SPTBN5: variants seen among roughly 807,000 people sequenced by gnomAD.
The protein encoded by SPTBN5 is spectrin beta, non-erythrocytic 5, also known as spectrin beta chain, non-erythrocytic 5.
Under a neutral mutation model 477.6 loss-of-function variants are expected in SPTBN5, and 513 were observed. That is an observed-to-expected ratio of 1.07 (90% CI 1.00 to 1.16). The LOEUF (loss-of-function observed/expected upper bound fraction) is 1.16. SPTBN5 is among the 50% of genes most tolerant of loss of function. SPTBN5 has a pLI of 0.00. For missense variants in SPTBN5, 5,062 were observed against 4,731.8 expected (o/e 1.07, Z -2.05); for synonymous variants, 2,169 against 2,011.7 (o/e 1.08, Z -2.09).
At chr15:41,866,522 A>G (rs2066320667) in intron 36 of SPTBN5, 29 bp from the exon 37 acceptor site, 2 of 1,511,728 alleles carry the variant, frequency 1.3e-6, no homozygotes, top group Non-Finnish European at 1.8e-6. Flanking sequence ...GAATGCTGCA[A>G]TGTTCTGCAG....
chr15:41,888,573 G>A (rs2067222454), intron 4 of SPTBN5, among the ~76,000 whole-genome samples: 1 of 152,174 alleles, frequency 6.6e-6, no homozygotes, highest in South Asian at 2.1e-4. Context: ...CAATTCTCCT[G>A]CCTCAGCCTC....
rs758819986 is a variant in SPTBN5 at position 41,868,245 on chromosome 15, A to C, written c.6058-27T>G. 1.3e-5 allele frequency: 20 copies of C among 1,578,390 alleles called. No individual in the cohort carries two copies. In the East Asian group the frequency reaches 4.4e-4, roughly 35 times the overall value. On this transcript the variant is annotated intron_variant, in intron 33 of 67. Coordinates refer to ENST00000320955, the MANE Select transcript of SPTBN5 (RefSeq NM_016642.4). ...TGGGGATGGACACATGAGGAGCCTC[A>C]GCTGGGGAGGGTGGTGTGGGTGAGG...
In SPTBN5 at chr15:41,881,975, C is replaced by T. The variant is rs1454254470; in HGVS notation, c.2418G>A (p.Glu806=). ...AFAAELRRLE[E]QGRAASARAS... ...CCCGGGCCGAGGCCGCCCGCCCCTG[C>T]TCCTCCAGCCGCCGCAGCTCGGCCG... Residue 806 remains glutamate (E), a synonymous_variant, in exon 12 of 68, where the codon GAG becomes GAA. Coordinates refer to ENST00000320955, the MANE Select transcript of SPTBN5 (RefSeq NM_016642.4). The T allele has an allele frequency of 6.5e-7, 1 of 1,540,402 alleles. No homozygotes were observed. Among genetic ancestry groups the T allele is most frequent in the South Asian group, 1.2e-5 (1 of 84,768 alleles).
chr15:41,868,677 G>C (rs1384559875), intron 32 of SPTBN5, 76 bp from the exon 33 acceptor site: 1 of 1,473,302 alleles, frequency 6.8e-7, no homozygotes, highest in Non-Finnish European at 9.3e-7. Flanking sequence ...TGAGGCAACT[G>C]CAGCCCACCT....
At position 41,854,082 on chromosome 15, in the gene SPTBN5, G is replaced by A. The variant is rs759259443; in HGVS notation, c.9742C>T (p.Arg3248Trp). ...EDGGHSLSSV[R>W]TLQQQHRRLE... ...CGCCTGTGCTGTTGCTGCAGGGTCC[G>A]CACAGATGACAGGCTGTGGCCTCCG... The change falls in exon 57 of 68, where the codon CGG becomes TGG. Residue 3248 changes from arginine (R) to tryptophan (W), a missense_variant. Transcript: ENST00000320955. 57 of 1,577,448 alleles carry A rather than the reference G, an allele frequency of 3.6e-5. No individual in the cohort carries two copies. Among genetic ancestry groups the A allele is most frequent in the Non-Finnish European group, 4.3e-5 (50 of 1,163,660 alleles).
At chr15:41,851,180 G>A in intron 64 of SPTBN5, 30 bp from the exon 65 acceptor site, 2 of 1,604,016 alleles carry the variant, frequency 1.2e-6, no homozygotes, top group Non-Finnish European at 1.7e-6. Context: ...AGGGGTCACT[G>A]CGGCCATCTC....
rs535886892 is a variant in SPTBN5, at chr15:41,853,863, C to A, written c.9775-76G>T. On this transcript the variant is annotated intron_variant, in intron 57 of 67. Coordinates refer to ENST00000320955, the MANE Select transcript of SPTBN5 (RefSeq NM_016642.4). Reference sequence around the variant, plus strand: ...GTGCTCTGCATTCAGGAGCACCAGGCCTCTCTGAGGAACCACCTCCACTCT... The same window carrying A: ...GTGCTCTGCATTCAGGAGCACCAGGACTCTCTGAGGAACCACCTCCACTCT... 5.6e-5 allele frequency: 82 copies of A among 1,451,800 alleles called. No individual in the cohort carries two copies. In the African/African-American group the frequency reaches 1.0e-3, roughly 18 times the overall value. The allele number at this position is 1,451,800 out of a possible 1,614,324, so 89.9% of individuals were successfully genotyped here.
rs200233672 is a variant in SPTBN5 at position 41,875,458 on chromosome 15, C to G, written c.4287G>C (p.Gln1429His). The G allele has an allele frequency of 2.0e-5, 33 of 1,611,112 alleles. No individual in the cohort carries two copies. The highest frequency in any genetic ancestry group is 2.3e-5 in the Non-Finnish European group (27 of 1,179,274). ...TGCCCTGTCCCTCTTCCCAGTGGAC[C>G]TGCAGCTGCCTCAGGAGTTGCTCCT... ...GQQEQLLRQLQDAKEQLEQLE... is the reference protein window; with the variant it reads ...GQQEQLLRQLHDAKEQLEQLE... Residue 1429 changes from glutamine (Q) to histidine (H), a missense_variant and splice_region_variant, in exon 22 of 68, where the codon CAG becomes CAC. Gln to His is a conservative substitution (Grantham distance 24). Coordinates refer to ENST00000320955, the MANE Select transcript of SPTBN5 (RefSeq NM_016642.4).
Position 41,852,644 on chromosome 15 carries a change from T to C in SPTBN5, c.10439A>G (p.Gln3480Arg), listed in dbSNP as rs2065804794. Residue 3480 changes from glutamine (Q) to arginine (R), a missense_variant, in exon 61 of 68, where the codon CAA becomes CGA. Gln to Arg is a conservative substitution (Grantham distance 43). Transcript: ENST00000320955. ...AAQEEKFAQM[Q>R]KTEMEQELLL... ...CGAGGCAGTCGTCACCTCTGTCTTT[T>C]GCATTTGGGCAAACTTCTCTTCCTG... 16 of 1,613,456 alleles carry C rather than the reference T, an allele frequency of 9.9e-6. No individual in the cohort carries two copies. Among genetic ancestry groups the C allele is most frequent in the Non-Finnish European group, 1.3e-5 (15 of 1,179,902 alleles).
At position 41,855,662 on chromosome 15, in the gene SPTBN5, C is replaced by G; in HGVS notation, c.9105G>C (p.Gln3035His). ...EDMGHSAEAT[Q>H]ALLRRLEATK... ...TGGCCTCCAGCCGCCGCAGAAGGGC[C>G]TGTGTGGCTTCAGCACTGTGGCCCA... The change falls in exon 54 of 68, where the codon CAG becomes CAC. Residue 3035 changes from glutamine (Q) to histidine (H), a missense_variant. Transcript: ENST00000320955. 2 of 1,607,296 alleles carry G rather than the reference C, an allele frequency of 1.2e-6. No individual in the cohort carries two copies. Among genetic ancestry groups the G allele is most frequent in the Non-Finnish European group, 1.7e-6 (2 of 1,178,460 alleles).
intron 62 of SPTBN5, 73 bp from the exon 63 acceptor site, chr15:41,851,923 C>T (rs2065778391): frequency 8.2e-7 from 1 of 1,220,320 alleles, no homozygotes; most frequent in Non-Finnish European, 1.2e-6. Context: ...CACCCACTGC[C>T]CCCAGCTCTC....
In SPTBN5 at chr15:41,888,078, A is replaced by T; in HGVS notation, c.509T>A (p.Phe170Tyr). The change falls in exon 5 of 68, where the codon TTT (phenylalanine) becomes TAT (tyrosine). Residue 170 changes from phenylalanine (F) to tyrosine (Y), a missense_variant. Coordinates refer to ENST00000320955, the MANE Select transcript of SPTBN5 (RefSeq NM_016642.4). ...GGACAGCAGGGCTGCGCTGGCCCCA[A>T]ACTCCTCCTGGCGGGACAGGGCAGC... ...ISHISLDKEE[F>Y]GASAALLSTK... The T allele has an allele frequency of 1.9e-6, 3 of 1,570,452 alleles. No homozygotes were observed. The highest frequency in any genetic ancestry group is 2.6e-6 in the Non-Finnish European group (3 of 1,158,584).
rs1394972416 is a variant in SPTBN5 at position 41,874,905 on chromosome 15, G to A, written c.4439C>T (p.Ser1480Phe). The part of the protein sequence containing the change: ...TLAAKMAALA[S>F]MAHGMAASPA... ...GGAGGCGGCCATGCCATGGGCCATG[G>A]AGGCGAGGGCAGCCATCTTGGCAGC... Residue 1480 changes from serine (S) to phenylalanine (F), a missense_variant, in exon 23 of 68, where the codon TCC becomes TTC. By Grantham distance (155) the Ser-to-Phe change is radical. Transcript: ENST00000320955. 6.2e-7 allele frequency: 1 copy of A among 1,613,254 alleles called. No individual in the cohort carries two copies. The highest frequency in any genetic ancestry group is 8.5e-7 in the Non-Finnish European group (1 of 1,179,818).
At chr15:41,858,818 G>C in intron 48 of SPTBN5, 70 bp from the exon 49 acceptor site, 6 of 1,555,802 alleles carry the variant, frequency 3.9e-6, no homozygotes, top group Non-Finnish European at 5.2e-6. Context: ...GGATACCCCA[G>C]AGGAAGGGTG....
chr15:41,886,151 G>A lies in SPTBN5; in HGVS notation c.1104C>T (p.Ala368=), dbSNP rs1329464672. 2 of 1,611,988 alleles carry A rather than the reference G, an allele frequency of 1.2e-6. No individual in the cohort carries two copies. Among genetic ancestry groups the A allele is most frequent in the Non-Finnish European group, 1.7e-6 (2 of 1,179,364 alleles). The change falls in exon 7 of 68, where the codon GCC becomes GCT. Residue 368 remains alanine (A), a synonymous_variant. Coordinates refer to ENST00000320955, the MANE Select transcript of SPTBN5 (RefSeq NM_016642.4). ...PRLQQRGAAE[A]LLFRLQTALQ... is the part of the protein sequence containing the mutation. ...GTGCTGTCTGTAGCCGGAAGAGCAG[G>A]GCCTCTGCGGCCCCTCGCTGCTGTA...
At chr15:41,851,883 G>A (rs768486565) in intron 62 of SPTBN5, 33 bp from the exon 63 acceptor site, 1 of 1,569,566 alleles carries the variant, frequency 6.4e-7, no homozygotes, top group Non-Finnish European at 8.7e-7. Flanking sequence ...AGAAATGTCA[G>A]GACCAGCACC....
At chr15:41,887,603 CAG>C (rs1194041121) in intron 5 of SPTBN5, among the ~76,000 whole-genome samples, 162 bp from the exon 6 acceptor site, 1 of 152,054 alleles carries the variant, frequency 6.6e-6, no homozygotes, top group African/African-American at 2.4e-5. Context: ...AGGACTCTGA[CAG>C]AGAAAGAGGA....
intron 26 of SPTBN5, 75 bp downstream of exon 26, chr15:41,873,417 G>C (rs1416455945): frequency 2.7e-6 from 3 of 1,125,032 alleles, no homozygotes; most frequent in Non-Finnish European, 3.9e-6. Context: ...CTCTGAGAGA[G>C]GGAGGGTGAC....
chr15:41,850,772 G>C, intron 66 of SPTBN5, 82 bp downstream of exon 66: 10 of 1,211,670 alleles, frequency 8.3e-6, no homozygotes, highest in Non-Finnish European at 1.1e-5. Flanking sequence ...AACCTCCCTA[G>C]GATGCATAAA....
Sources: gnomAD v4.1 joint callset for allele counts (sites outside exome capture counted in the v4.1 genomes callset) on GRCh38, gnomAD v4.1.1 for gene constraint, MANE v1.5 for transcripts, NCBI Gene and HGNC (gene_info 2026-07-23, HGNC 2026-07-21) for gene names.